Variants in SLC25A20 observed in about 807,000 individuals in gnomAD.
SLC25A20 encodes mitochondrial carnitine/acylcarnitine carrier protein.
SLC25A20 carries 29 observed loss-of-function variants against 39.7 expected under a neutral mutation model. The ratio of observed to expected loss-of-function variants is 0.73; its 90% CI spans 0.54 to 1.00. The LOEUF is 1.00. SLC25A20 is among the 50% of genes least tolerant of loss of function. The pLI is 0.00. For synonymous variants in SLC25A20, 103 were observed against 142.2 expected (o/e 0.72, Z 1.96); for missense variants, 333 against 379.9 (o/e 0.88, Z 1.03).
chr3:48,879,214 T>G, intron 4 of SLC25A20, 144 bp downstream of exon 4: 1 of 763,684 alleles, frequency 1.3e-6, no homozygotes, highest in South Asian at 1.4e-5. Flanking sequence ...TCCTCACACC[T>G]TGGTCTCCCA....
At chr3:48,880,772 T>G (rs190121362) in intron 3 of SLC25A20, among the ~76,000 whole-genome samples, 13 of 151,994 alleles carry the variant, frequency 8.6e-5, no homozygotes, top group Admixed American at 4.6e-4. Flanking sequence ...TTCGCCATGT[T>G]GCCCAGGTTG....
rs1219938130 is a variant in SLC25A20, at chr3:48,898,814, C to G, written c.-20G>C. The G allele has an allele frequency of 4.5e-6, 7 of 1,552,302 alleles. No individual in the cohort carries two copies. The highest frequency in any genetic ancestry group is 6.1e-6 in the Non-Finnish European group (7 of 1,147,314). ...GGCCATGGTCAGTCCGTCTGTCACT[C>G]CGTCTGTCAGTTCTCGGGCCGTCCT... On this transcript the variant is annotated 5_prime_UTR_variant, in exon 1 of 9. Coordinates refer to ENST00000319017, the MANE Select transcript of SLC25A20 (RefSeq NM_000387.6).
chr3:48,884,012 G>C lies in SLC25A20; in HGVS notation c.311C>G (p.Pro104Arg). 2 of 1,613,646 alleles carry C rather than the reference G, an allele frequency of 1.2e-6. No individual in the cohort carries two copies. Among genetic ancestry groups the C allele is most frequent in the Non-Finnish European group, 8.5e-7 (1 of 1,179,714 alleles). Residue 104 changes from proline to arginine, a missense_variant, in exon 3 of 9, where the codon CCA becomes CGA. Pro to Arg is a moderately radical substitution (Grantham distance 103). Transcript: ENST00000319017. The part of the protein sequence containing the change: ...GLGKKLQQKH[P>R]EDVLSYPQLF... The stretch of plus-strand genomic sequence containing the variant: ...AAGTACTCACCTGAGCACATCTTCT[G>C]GGTGTTTCTGTTGTAGTTTCTTCCC...
intron 4 of SLC25A20, among the ~76,000 whole-genome samples, chr3:48,871,635 C>T (rs1283348653): frequency 6.6e-6 from 1 of 151,756 alleles, no homozygotes; most frequent in African/African-American, 2.4e-5. Context: ...GGCATGGTGG[C>T]GCGTGCCTGT....
chr3:48,897,510 AGC>A (rs1287204089), intron 1 of SLC25A20, among the ~76,000 whole-genome samples: 3 of 151,820 alleles, frequency 2.0e-5, no homozygotes, highest in Non-Finnish European at 4.4e-5. Context: ...CAGTCTGGGA[AGC>A]ACTAACACAT....
At chr3:48,874,207 G>A (rs1016872792) in intron 4 of SLC25A20, among the ~76,000 whole-genome samples, 8 of 151,748 alleles carry the variant, frequency 5.3e-5, no homozygotes, top group East Asian at 1.9e-4. Flanking sequence ...CAGGAGAATC[G>A]CTTGAACCCA....
intron 1 of SLC25A20, among the ~76,000 whole-genome samples, chr3:48,898,290 C>G (rs1296641386): frequency 6.6e-6 from 1 of 152,194 alleles, no homozygotes; most frequent in African/African-American, 2.4e-5. Context: ...ACAACCGTAC[C>G]GCTCTGTCTT....
chr3:48,877,011 G>C (rs1057196295), intron 4 of SLC25A20, among the ~76,000 whole-genome samples: 2 of 151,926 alleles, frequency 1.3e-5, no homozygotes, highest in Admixed American at 6.6e-5. Flanking sequence ...CAGGAGAATC[G>C]CTTGAAGCCA....
chr3:48,872,028 C>T (rs2083720098), intron 4 of SLC25A20, among the ~76,000 whole-genome samples: 1 of 135,142 alleles, frequency 7.4e-6, no homozygotes, highest in Non-Finnish European at 1.5e-5. Context: ...GGGGTTTTGC[C>T]GTGCCACACA....
At chr3:48,875,049 G>A (rs1356958929) in intron 4 of SLC25A20, among the ~76,000 whole-genome samples, 2 of 130,422 alleles carry the variant, frequency 1.5e-5, no homozygotes, top group East Asian at 2.5e-4. Flanking sequence ...GCAACTGAAC[G>A]AGACTCTGTC....
chr3:48,891,593 A>C (rs2083878026), intron 2 of SLC25A20, among the ~76,000 whole-genome samples: 1 of 152,040 alleles, frequency 6.6e-6, no homozygotes, highest in Non-Finnish European at 1.5e-5. Flanking sequence ...GGCTGGTCTT[A>C]AACTCCTGAC....
chr3:48,876,747 A>T (rs1002513652), intron 4 of SLC25A20, among the ~76,000 whole-genome samples: 5 of 151,748 alleles, frequency 3.3e-5, no homozygotes, highest in African/African-American at 1.2e-4. Context: ...TTTAAAATTT[A>T]AAAAAAATTA....
At chr3:48,872,031 G>A (rs2083720175) in intron 4 of SLC25A20, among the ~76,000 whole-genome samples, 1 of 124,072 alleles carries the variant, frequency 8.1e-6, no homozygotes, top group Admixed American at 1.1e-4. Context: ...GTTTTGCCGT[G>A]CCACACAAGC....
rs149400881 is a variant in SLC25A20 at position 48,895,685 on chromosome 3, G to A, written c.105+3005C>T. On this transcript the variant is annotated intron_variant, in intron 1 of 8. Coordinates refer to ENST00000319017, the MANE Select transcript of SLC25A20 (RefSeq NM_000387.6). The stretch of plus-strand genomic sequence containing the variant: ...ATCAAACCAAGGAAGTCCCTCTCTG[G>A]GCAACAGAGGTGACACGTAAGTCTG... 3.4e-3 allele frequency: 1,459 copies of A among 423,012 alleles called. 14 individuals are homozygous for A. Among genetic ancestry groups the A allele is most frequent in the African/African-American group, 0.027 (1,332 of 49,042 alleles). 26.2% of individuals were successfully genotyped at this position (423,012 alleles called of 1,614,324 possible). A position where few individuals can be genotyped will look rare whatever the true frequency, so the allele number is the denominator to read the frequency against.
intron 3 of SLC25A20, 127 bp downstream of exon 3, chr3:48,883,870 C>A: frequency 8.8e-7 from 1 of 1,134,084 alleles, no homozygotes; most frequent in Non-Finnish European, 1.3e-6. Context: ...GTGATCCACC[C>A]GCCTCAGTCT....
rs999706012 is a variant in SLC25A20 at position 48,862,568 on chromosome 3, T to C, written c.509A>G (p.Lys170Arg). 6.2e-7 allele frequency: 1 copy of C among 1,613,696 alleles called. No homozygotes were observed. The highest frequency in any genetic ancestry group is 8.5e-7 in the Non-Finnish European group (1 of 1,179,644). The change falls in exon 5 of 9, where the codon AAA (lysine) becomes AGA (arginine). Residue 170 changes from lysine (K) to arginine (R), a missense_variant. Physicochemically the swap from Lys to Arg is conservative, Grantham distance 26. Transcript: ENST00000319017. ...TCGCATAAGGGTAAGCACAGTCCCT[T>C]TGTAGATGCCTCGGATCCCAAACTC... Reference protein sequence around the residue: ...YQEFGIRGIYKGTVLTLMRDV... With the variant: ...YQEFGIRGIYRGTVLTLMRDV...
intron 4 of SLC25A20, among the ~76,000 whole-genome samples, chr3:48,873,061 T>A (rs2080209836): frequency 6.6e-6 from 1 of 150,832 alleles, no homozygotes. Context: ...CTGTCTCTAC[T>A]AAAAATACAA....
chr3:48,883,052 G>A (rs1021616344), intron 3 of SLC25A20, among the ~76,000 whole-genome samples: 10 of 151,136 alleles, frequency 6.6e-5, no homozygotes, highest in African/African-American at 2.2e-4. Context: ...AAAATTAGCC[G>A]GGCGTGGTGG....
At chr3:48,884,701 G>A (rs1298725378) in intron 2 of SLC25A20, among the ~76,000 whole-genome samples, 1 of 151,958 alleles carries the variant, frequency 6.6e-6, no homozygotes, top group Non-Finnish European at 1.5e-5. Flanking sequence ...ATTTTGTGTG[G>A]AAAATTTATT....
Sources: gnomAD v4.1 joint callset for allele counts (sites outside exome capture counted in the v4.1 genomes callset) on GRCh38, gnomAD v4.1.1 for gene constraint, MANE v1.5 for transcripts, NCBI Gene and HGNC (gene_info 2026-07-23, HGNC 2026-07-21) for gene names.